The following CAMTA1 variants were observed in gnomAD, a reference collection of about 807,000 sequenced individuals.
CAMTA1 encodes the protein calmodulin-binding transcription activator 1.
Under a neutral mutation model 170.9 loss-of-function variants are expected in CAMTA1, and 27 were observed. The observed-to-expected ratio is 0.16, with a 90% CI of 0.12 to 0.22. CAMTA1 has a LOEUF of 0.22. Ranked by LOEUF, CAMTA1 falls within the 10% of genes least tolerant of loss-of-function variation. CAMTA1 has a pLI of 1.00. For missense variants in CAMTA1, 1,619 were observed against 2,217.2 expected (o/e 0.73, Z 5.42); for synonymous variants, 833 against 891.5 (o/e 0.93, Z 1.17).
rs1276793907 is a variant in CAMTA1, at chr1:7,293,139, C to G, written c.438+43513C>G. On this transcript the variant is annotated intron_variant, in intron 5 of 22. Coordinates refer to ENST00000303635, the MANE Select transcript of CAMTA1 (RefSeq NM_015215.4). This position sits in a 1 kb window ranked among gnomAD's most constrained non-coding sequence, Gnocchi z 4.1. ...ATTCCTGCCCCCTTTCTACTGCTTT[C>G]CAGTGGACAGGGACGGGGTGGGGCT... Among the ~76,000 whole-genome samples, 1 of 152,178 alleles carries G rather than the reference C, an allele frequency of 6.6e-6. No homozygotes were observed. Among genetic ancestry groups the G allele is most frequent in the African/African-American group, 2.4e-5 (1 of 41,438 alleles).
At chr1:6,835,076 C>G (rs1292975901) in intron 3 of CAMTA1, among the ~76,000 whole-genome samples, 2 of 152,218 alleles carry the variant, frequency 1.3e-5, no homozygotes, top group African/African-American at 2.4e-5. Context: ...AGCATCTGTT[C>G]AGGGGGCTCG....
At chr1:7,182,014 T>A (rs1652271334) in intron 4 of CAMTA1, among the ~76,000 whole-genome samples, 1 of 145,582 alleles carries the variant, frequency 6.9e-6, no homozygotes, top group Non-Finnish European at 1.5e-5. Context: ...ATATTCAAAA[T>A]AGCAGTAGAA....
intron 3 of CAMTA1, among the ~76,000 whole-genome samples, chr1:6,939,042 A>G (rs1328640660): frequency 6.6e-6 from 1 of 152,210 alleles, no homozygotes; most frequent in Non-Finnish European, 1.5e-5. Context: ...CCTGGGACCC[A>G]GCATGAATGT....
In CAMTA1 at chr1:6,861,228, T is replaced by C. The variant is rs369110207; in HGVS notation, c.234+36018T>C. 9.9e-5 allele frequency among the ~76,000 whole-genome samples: 15 copies of C among 152,238 alleles called. No homozygotes were observed. In the East Asian group the frequency reaches 2.1e-3, roughly 22 times the overall value. ...GCCTTGGCCTCCCAAAGTTCTGGGA[T>C]TACAGGCATGAGCCACTGCGCCTGG... is the stretch of plus-strand genomic sequence containing the variant. On this transcript the variant is annotated intron_variant, in intron 3 of 22. Coordinates refer to ENST00000303635, the MANE Select transcript of CAMTA1 (RefSeq NM_015215.4).
chr1:7,017,125 C>A (rs959139865), intron 3 of CAMTA1, among the ~76,000 whole-genome samples: 1 of 152,140 alleles, frequency 6.6e-6, no homozygotes, highest in Admixed American at 6.5e-5. Context: ...CTAGGTAGGC[C>A]CCGAGTCCCA....
chr1:7,509,454 G>A (rs1467043486), intron 6 of CAMTA1, among the ~76,000 whole-genome samples: 2 of 152,122 alleles, frequency 1.3e-5, no homozygotes, highest in African/African-American at 2.4e-5. Flanking sequence ...GGACCCAGCA[G>A]GCTTTATAGT....
At chr1:7,261,371 G>A (rs1668142596) in intron 5 of CAMTA1, among the ~76,000 whole-genome samples, 1 of 152,188 alleles carries the variant, frequency 6.6e-6, no homozygotes, top group African/African-American at 2.4e-5. Context: ...TGAGATGCTG[G>A]TAGAGACCAG....
At chr1:7,675,420 T>A (rs1329591727) in intron 10 of CAMTA1, among the ~76,000 whole-genome samples, 1 of 152,156 alleles carries the variant, frequency 6.6e-6, no homozygotes, top group Non-Finnish European at 1.5e-5. Context: ...CTAAATGATG[T>A]CTTTAAAGAT....
intron 7 of CAMTA1, among the ~76,000 whole-genome samples, chr1:7,655,563 A>G (rs1022498134): frequency 2.2e-5 from 3 of 139,090 alleles, no homozygotes; most frequent in Non-Finnish European, 4.7e-5. Context: ...TATACACACA[A>G]ACACACCCAC....
At chr1:7,601,152 G>C (rs1346303705) in intron 6 of CAMTA1, among the ~76,000 whole-genome samples, 1 of 119,448 alleles carries the variant, frequency 8.4e-6, no homozygotes, top group African/African-American at 3.2e-5. Flanking sequence ...CGGCTGGCCG[G>C]GCAGGGGGCT....
In CAMTA1 at chr1:6,993,159, C is replaced by A. The variant is rs988689359; in HGVS notation, c.235-98145C>A. ...ATAATAAATCTTGATGTCAGTTCTC[C>A]AACTTTACTTTTTCAAAATGATTTG... is the stretch of plus-strand genomic sequence containing the variant. On this transcript the variant is annotated intron_variant, in intron 3 of 22. Transcript: ENST00000303635. Among the ~76,000 whole-genome samples the A allele has an allele frequency of 3.3e-5, 5 of 152,124 alleles. No individual in the cohort carries two copies. The East Asian group carries it at 9.7e-4, about 29-fold the overall frequency.
intron 5 of CAMTA1, among the ~76,000 whole-genome samples, chr1:7,405,236 C>T (rs2090202368): frequency 6.6e-6 from 1 of 152,082 alleles, no homozygotes; most frequent in African/African-American, 2.4e-5. Flanking sequence ...GCTTGGGGGC[C>T]ACAAGATGGG....
chr1:7,604,195 C>T lies in CAMTA1; in HGVS notation c.511-36205C>T, dbSNP rs573553850. 1.1e-3 allele frequency among the ~76,000 whole-genome samples: 171 copies of T among 152,214 alleles called. 2 individuals carry two copies. Among genetic ancestry groups the T allele is most frequent in the African/African-American group, 2.9e-3 (119 of 41,520 alleles). On this transcript the variant is annotated intron_variant, in intron 6 of 22. Transcript: ENST00000303635. ...CTCTTCTCAAGGAGTATCTTTGTGG[C>T]GTTCTCTGTATTTCCTGAATTTGAA...
chr1:7,287,201 G>T (rs556638810), intron 5 of CAMTA1, among the ~76,000 whole-genome samples: 1 of 152,182 alleles, frequency 6.6e-6, no homozygotes, highest in Non-Finnish European at 1.5e-5. Context: ...AGCAGGCGGG[G>T]CAGTGTGACC....
rs775294685 is a variant in CAMTA1 at position 6,829,742 on chromosome 1, C to T, written c.234+4532C>T. 3.9e-5 allele frequency among the ~76,000 whole-genome samples: 6 copies of T among 152,292 alleles called. No homozygotes were observed. In the South Asian group the frequency reaches 6.2e-4, roughly 16 times the overall value. On this transcript the variant is annotated intron_variant, in intron 3 of 22. Transcript: ENST00000303635. ...GAAGTGGGGGACGGGGGAGTTCAGC[C>T]GCTGCAGCCCGACTTTGAGTCCCAT...
chr1:7,095,475 G>T (rs1271248953), intron 4 of CAMTA1, among the ~76,000 whole-genome samples: 1 of 152,182 alleles, frequency 6.6e-6, no homozygotes, highest in Non-Finnish European at 1.5e-5. Flanking sequence ...GCTCTGCCAG[G>T]TATGGAAGGT....
chr1:6,828,002 G>A (rs1647790547), intron 3 of CAMTA1, among the ~76,000 whole-genome samples: 1 of 152,174 alleles, frequency 6.6e-6, no homozygotes, highest in Non-Finnish European at 1.5e-5. Context: ...CAGTAGATTT[G>A]TGTTTTCCAT....
At chr1:7,157,057 C>T (rs1280584926) in intron 4 of CAMTA1, among the ~76,000 whole-genome samples, 4 of 151,982 alleles carry the variant, frequency 2.6e-5, no homozygotes, top group Admixed American at 6.6e-5. Flanking sequence ...ATAATAAAAA[C>T]TTTTGGCCGG....
rs991207900 is a variant in CAMTA1, at chr1:7,435,901, A to T, written c.439-31929A>T. On this transcript the variant is annotated intron_variant, in intron 5 of 22. Coordinates refer to ENST00000303635, the MANE Select transcript of CAMTA1 (RefSeq NM_015215.4). The surrounding 1 kb of genome is among the most constrained non-coding windows in gnomAD (Gnocchi z 4.4). ...TGACCCAGGGGCCTGGCTGTGCTGC[A>T]CCCTGGGGAAGATACTGTCTTAGGT... 4.6e-5 allele frequency among the ~76,000 whole-genome samples: 7 copies of T among 152,116 alleles called. No homozygotes were observed. The East Asian group carries it at 1.4e-3, about 30-fold the overall frequency.
Sources: gnomAD v4.1 joint callset for allele counts (sites outside exome capture counted in the v4.1 genomes callset) on GRCh38, gnomAD v4.1.1 for gene constraint, Gnocchi (gnomAD v3.1) non-coding constraint, MANE v1.5 for transcripts, NCBI Gene and HGNC (gene_info 2026-07-23, HGNC 2026-07-21) for gene names.